Variants in CNTN5 observed in about 807,000 individuals in gnomAD.
The protein encoded by CNTN5 is contactin-5.
CNTN5 carries 77 observed loss-of-function variants against 129.1 expected under a neutral mutation model. That is an observed-to-expected ratio of 0.60 (90% confidence interval 0.50 to 0.72). The LOEUF is 0.72. Among genes scored for constraint, CNTN5 ranks in the 30% least tolerant of loss-of-function variants. CNTN5 has a pLI of 0.00. For synonymous variants in CNTN5, 509 were observed against 465.6 expected, an observed-to-expected ratio of 1.09 and a Z score of -1.20; for missense variants, 1,478 against 1,328.8, an observed-to-expected ratio of 1.11 and a Z score of -1.75.
chr11:99,571,193 T>C (rs928873138), intron 3 of CNTN5, among the ~76,000 whole-genome samples: 1 of 152,154 alleles, frequency 6.6e-6, no homozygotes, highest in Non-Finnish European at 1.5e-5. Context: ...TAGGATGCTA[T>C]TGTAGTAGTT....
chr11:99,127,136 C>G (rs988893068), intron 1 of CNTN5, among the ~76,000 whole-genome samples: 3 of 152,170 alleles, frequency 2.0e-5, no homozygotes, highest in African/African-American at 4.8e-5. Context: ...CCATATACTT[C>G]AAATTCACAT....
chr11:99,370,063 G>C lies in CNTN5; in HGVS notation c.-71+44579G>C, dbSNP rs554068112. 2.0e-5 allele frequency among the ~76,000 whole-genome samples: 3 copies of C among 152,234 alleles called. No individual in the cohort carries two copies. The East Asian group carries it at 5.8e-4, about 29-fold the overall frequency. ...ACAAAGCAGTTGAAAAGGTGTTGAA[G>C]AGTTTGATTAACCAAACAGAGGAAT... On this transcript the variant is annotated intron_variant, in intron 2 of 24. Transcript: ENST00000524871.
At chr11:99,468,034 C>G (rs1945014218) in intron 2 of CNTN5, among the ~76,000 whole-genome samples, 1 of 151,988 alleles carries the variant, frequency 6.6e-6, no homozygotes, top group Non-Finnish European at 1.5e-5. Flanking sequence ...GTTGAGATAT[C>G]TTAAATAATT....
At chr11:99,865,723 G>T (rs1301552823) in intron 6 of CNTN5, among the ~76,000 whole-genome samples, 2 of 151,898 alleles carry the variant, frequency 1.3e-5, no homozygotes, top group African/African-American at 4.8e-5. Context: ...AAGTGTTATT[G>T]CCTAAGCCAC....
At chr11:99,867,838 G>A (rs1456493207) in intron 6 of CNTN5, among the ~76,000 whole-genome samples, 1 of 152,188 alleles carries the variant, frequency 6.6e-6, no homozygotes, top group Admixed American at 6.5e-5. Flanking sequence ...ACGTTGAATT[G>A]TTTTGCCTAC....
intron 3 of CNTN5, among the ~76,000 whole-genome samples, chr11:99,641,521 T>C (rs1951769980): frequency 6.6e-6 from 1 of 152,086 alleles, no homozygotes; most frequent in Non-Finnish European, 1.5e-5. Flanking sequence ...GTCCTGGAAG[T>C]TCACGGGTGG....
At chr11:99,474,835 A>G (rs1945309453) in intron 2 of CNTN5, among the ~76,000 whole-genome samples, 1 of 152,164 alleles carries the variant, frequency 6.6e-6, no homozygotes, top group Non-Finnish European at 1.5e-5. Flanking sequence ...ATGGCTAGCT[A>G]ATGTTTCCGG....
chr11:100,236,215 T>C (rs973914107), intron 16 of CNTN5, among the ~76,000 whole-genome samples: 9 of 152,140 alleles, frequency 5.9e-5, no homozygotes, highest in Admixed American at 3.3e-4. Context: ...CACACTCCCT[T>C]GTACCTACTC....
chr11:99,670,624 T>C (rs1012467661), intron 3 of CNTN5, among the ~76,000 whole-genome samples: 1 of 152,202 alleles, frequency 6.6e-6, no homozygotes. Flanking sequence ...GTCCCAGTGA[T>C]GTTCACCATT....
At chr11:99,383,768 C>T (rs572709845) in intron 2 of CNTN5, among the ~76,000 whole-genome samples, 1 of 151,964 alleles carries the variant, frequency 6.6e-6, no homozygotes, top group African/African-American at 2.4e-5. Flanking sequence ...GCTGCTTTAC[C>T]CTGGGTTTTT....
chr11:99,305,436 T>C (rs1363921744), intron 1 of CNTN5, among the ~76,000 whole-genome samples: 1 of 152,142 alleles, frequency 6.6e-6, no homozygotes, highest in Admixed American at 6.5e-5. Flanking sequence ...TTCTGGGAAA[T>C]TGATGCTTAA....
intron 3 of CNTN5, among the ~76,000 whole-genome samples, chr11:99,621,810 T>G (rs949436740): frequency 6.6e-6 from 1 of 152,184 alleles, no homozygotes; most frequent in African/African-American, 2.4e-5. Flanking sequence ...CACTCTTATA[T>G]TTGCCCACAT....
intron 13 of CNTN5, among the ~76,000 whole-genome samples, chr11:100,090,413 TTTC>T (rs1404492267): frequency 2.6e-5 from 4 of 151,078 alleles, no homozygotes; most frequent in Non-Finnish European, 5.9e-5. Context: ...TTCTTTTTCT[TTTC>T]TTTTCTGCCT....
intron 9 of CNTN5, among the ~76,000 whole-genome samples, chr11:100,053,994 G>C (rs1307791916): frequency 1.3e-5 from 2 of 151,730 alleles, no homozygotes; most frequent in Non-Finnish European, 3.0e-5. Flanking sequence ...TTACATAAAA[G>C]TATAAAACTG....
Position 99,382,845 on chromosome 11 carries a change from CTTTT to C in CNTN5, c.-71+57388_-71+57391del, listed in dbSNP as rs1163660333. Among the ~76,000 whole-genome samples, 55 of 77,030 alleles carry C rather than the reference CTTTT, an allele frequency of 7.1e-4. 1 individual carries two copies. The South Asian group carries it at 8.0e-3, about 11-fold the overall frequency. The allele number at this position is 77,030 out of a possible 152,430, so 50.5% of individuals were successfully genotyped here. ...ACATCTCACTAGTGTCTCTAAATAA[CTTTT>C]TTTTTTTTTTTTTTTTTTTTTTTTT... On this transcript the variant is annotated intron_variant, in intron 2 of 24. Transcript: ENST00000524871.
chr11:99,123,294 A>T (rs1307373864), intron 1 of CNTN5, among the ~76,000 whole-genome samples: 1 of 151,806 alleles, frequency 6.6e-6, no homozygotes, highest in Non-Finnish European at 1.5e-5. Context: ...TTCTCTGATG[A>T]CTAGTGATGT....
At chr11:99,908,073 T>G (rs1164319392) in intron 6 of CNTN5, among the ~76,000 whole-genome samples, 1 of 152,070 alleles carries the variant, frequency 6.6e-6, no homozygotes, top group African/African-American at 2.4e-5. Flanking sequence ...AGTCCCAGTG[T>G]GAAAAACTAT....
chr11:99,068,354 C>T (rs1276360145), intron 1 of CNTN5, among the ~76,000 whole-genome samples: 1 of 152,136 alleles, frequency 6.6e-6, no homozygotes, highest in Non-Finnish European at 1.5e-5. Context: ...TAATTCCTCC[C>T]TGTGAGAAGT....
At chr11:99,810,026 A>G (rs1946383628) in intron 3 of CNTN5, among the ~76,000 whole-genome samples, 1 of 152,114 alleles carries the variant, frequency 6.6e-6, no homozygotes, top group Admixed American at 6.6e-5. Context: ...TATTAATTTA[A>G]TGCAACCATA....
Sources: gnomAD v4.1 joint callset for allele counts (sites outside exome capture counted in the v4.1 genomes callset) on GRCh38, gnomAD v4.1.1 for gene constraint, MANE v1.5 for transcripts, NCBI Gene and HGNC (gene_info 2026-07-23, HGNC 2026-07-21) for gene names.